Variants in MAP1LC3A observed in about 807,000 individuals in gnomAD.
The protein encoded by MAP1LC3A is microtubule-associated protein 1 light chain 3 alpha.
In MAP1LC3A, 10 loss-of-function variants were observed where a neutral mutation model predicts 15.2. That is an observed-to-expected ratio of 0.66 (90% CI 0.41 to 1.12). The LOEUF is 1.12. Ranked by LOEUF, MAP1LC3A falls within the 50% of genes most tolerant of loss-of-function variation. The pLI is 0.00. For missense variants in MAP1LC3A, 138 were observed against 167.3 expected (o/e 0.82, Z 0.97); for synonymous variants, 63 against 64.3 (o/e 0.98, Z 0.10).
At chr20:34,548,959 G>C (rs922450831) in intron 1 of MAP1LC3A, among the ~76,000 whole-genome samples, 1 of 152,152 alleles carries the variant, frequency 6.6e-6, no homozygotes, top group African/African-American at 2.4e-5. Flanking sequence ...ACCCACCTCG[G>C]CCTCCCGAAG....
chr20:34,559,513 C>T, intron 3 of MAP1LC3A, 60 bp downstream of exon 3: 1 of 1,488,886 alleles, frequency 6.7e-7, no homozygotes, highest in South Asian at 1.2e-5. Context: ...GGGTTCCCGC[C>T]GAGAAGGGGT....
At chr20:34,552,423 C>T (rs1981982573) in intron 2 of MAP1LC3A, among the ~76,000 whole-genome samples, 1 of 152,240 alleles carries the variant, frequency 6.6e-6, no homozygotes, top group South Asian at 2.1e-4. Flanking sequence ...GGAAGGCCTC[C>T]CTGAGGAGAC....
exon 2 of MAP1LC3A, chr20:34,550,015 C>T (rs1294059633): frequency 1.2e-6 from 2 of 1,614,066 alleles, no homozygotes; most frequent in Non-Finnish European, 1.7e-6. Flanking sequence ...TGTGGAAAAG[C>T]AGCTGTGGAC....
upstream of MAP1LC3A, among the ~76,000 whole-genome samples, chr20:34,554,173 T>A (rs1982054984): frequency 6.9e-6 from 1 of 144,626 alleles, no homozygotes; most frequent in South Asian, 2.2e-4. Flanking sequence ...GTGTGTAGAT[T>A]CTCTTGGATT....
intron 1 of MAP1LC3A, among the ~76,000 whole-genome samples, chr20:34,547,806 T>C (rs188465396): frequency 8.5e-5 from 13 of 152,166 alleles, no homozygotes; most frequent in African/African-American, 1.7e-4. Flanking sequence ...CACAGCAGTG[T>C]GAGAATGGAC....
intron 2 of MAP1LC3A, among the ~76,000 whole-genome samples, chr20:34,552,736 TGTG>T (rs2146672736): frequency 6.6e-6 from 1 of 152,278 alleles, no homozygotes; most frequent in East Asian, 1.9e-4. Flanking sequence ...TTCTGCAAGA[TGTG>T]GTCGGGGCTC....
intron 1 of MAP1LC3A, among the ~76,000 whole-genome samples, chr20:34,549,631 C>T (rs985200342): frequency 3.3e-5 from 5 of 152,146 alleles, no homozygotes; most frequent in African/African-American, 4.8e-5. Context: ...GATCTGAATC[C>T]GTGCTTATTC....
chr20:34,558,671 C>T (rs552375093), upstream of MAP1LC3A: 11 of 1,242,342 alleles, frequency 8.9e-6, no homozygotes, highest in Non-Finnish European at 1.1e-5. This position sits in a 1 kb window ranked among gnomAD's most constrained non-coding sequence, Gnocchi z 4.3. Context: ...CCAATGGGAG[C>T]GGCGCACTGG....
At chr20:34,548,280 G>A (rs1030055578) in intron 1 of MAP1LC3A, among the ~76,000 whole-genome samples, 1 of 152,218 alleles carries the variant, frequency 6.6e-6, no homozygotes, top group Non-Finnish European at 1.5e-5. Flanking sequence ...GGGATTGTAC[G>A]TCACTCATAG....
In MAP1LC3A at chr20:34,558,931, C is replaced by A. The variant is rs1429676355; in HGVS notation, c.40+23C>A. On this transcript the variant is annotated intron_variant, in intron 1 of 3. Transcript: ENST00000360668. The surrounding 1 kb of genome is among the most constrained non-coding windows in gnomAD (Gnocchi z 4.3). ...TCGGTGAGGCCCGGCAGGCGAGCTG[C>A]GAGCTCTGGGGCAGGGGTGCCGGCC... The A allele has an allele frequency of 4.3e-6, 6 of 1,380,738 alleles. No homozygotes were observed. The highest frequency in any genetic ancestry group is 1.5e-5 in the African/African-American group (1 of 65,656). The allele number at this position is 1,380,738 out of a possible 1,614,324, so 85.5% of individuals were successfully genotyped here. A position where few individuals can be genotyped will look rare whatever the true frequency, so the allele number is the denominator to read the frequency against.
rs1197772437 is a variant in MAP1LC3A at position 34,560,324 on chromosome 20, A to AGAT, written c.*427_*429dup. 1.1e-5 allele frequency: 2 copies of AGAT among 181,998 alleles called. No individual in the cohort carries two copies. The highest frequency in any genetic ancestry group is 2.3e-5 in the Non-Finnish European group (2 of 86,678). 11.3% of individuals were successfully genotyped at this position (181,998 alleles called of 1,614,324 possible). On this transcript the variant is annotated 3_prime_UTR_variant, in exon 4 of 4. Coordinates refer to ENST00000360668, the MANE Select transcript of MAP1LC3A (RefSeq NM_032514.4). ...TGGTCATTGTCCCTCTGCAGAATAA[A>AGAT]GATTGCTCAGGCCTGCCTGGCCCTG...
At chr20:34,548,585 A>C (rs1183957281) in intron 1 of MAP1LC3A, among the ~76,000 whole-genome samples, 1 of 152,144 alleles carries the variant, frequency 6.6e-6, no homozygotes, top group Non-Finnish European at 1.5e-5. Context: ...CTCAGCCTCC[A>C]CTTTTCCAGT....
At chr20:34,547,439 T>A (rs1172577329) in intron 1 of MAP1LC3A, among the ~76,000 whole-genome samples, 10 of 147,988 alleles carry the variant, frequency 6.8e-5, no homozygotes, top group African/African-American at 1.5e-4. Context: ...TTTTTTTTTT[T>A]AAATAGAGAC....
exon 2 of MAP1LC3A, chr20:34,550,025 C>G (rs754961833): frequency 6.2e-7 from 1 of 1,614,128 alleles, no homozygotes; most frequent in Admixed American, 1.7e-5. Context: ...CAGCTGTGGA[C>G]CCAGGTCTGT....
chr20:34,549,523 C>T (rs768440196), intron 1 of MAP1LC3A, among the ~76,000 whole-genome samples: 2 of 152,130 alleles, frequency 1.3e-5, no homozygotes, highest in Admixed American at 6.5e-5. Context: ...AAGAACCAGC[C>T]GGTGGTAGAA....
In MAP1LC3A at chr20:34,560,161, C is replaced by CTTTTT. The variant is rs998162392; in HGVS notation, c.*267_*271dup. The stretch of plus-strand genomic sequence containing the variant: ...CCAGCACCCCTGCTGTGTGGTTCAT[C>CTTTTT]TTTTTTTTAGGCCCCTGCCTGTCTG... On this transcript the variant is annotated 3_prime_UTR_variant, in exon 4 of 4. Transcript: ENST00000360668. 2.8e-6 allele frequency: 1 copy of CTTTTT among 362,214 alleles called. No individual in the cohort carries two copies. Among genetic ancestry groups the CTTTTT allele is most frequent in the Non-Finnish European group, 5.0e-6 (1 of 199,012 alleles). The allele number at this position is 362,214 out of a possible 1,614,324, so 22.4% of individuals were successfully genotyped here.
chr20:34,549,848 G>GAGTC, intron 1 of MAP1LC3A: 5 of 724,810 alleles, frequency 6.9e-6, no homozygotes, highest in Non-Finnish European at 1.2e-5. Context: ...ATCTCGTCCA[G>GAGTC]AGTCAGTCCC....
intron 2 of MAP1LC3A, among the ~76,000 whole-genome samples, chr20:34,551,755 C>T (rs138712926): frequency 1.1e-3 from 173 of 151,836 alleles, no homozygotes; most frequent in African/African-American, 3.9e-3. Flanking sequence ...TGAGCCACCG[C>T]GCCTGGCCAT....
upstream of MAP1LC3A, among the ~76,000 whole-genome samples, chr20:34,555,237 C>T (rs1352457891): frequency 2.6e-5 from 4 of 151,954 alleles, no homozygotes; most frequent in East Asian, 7.7e-4. Context: ...CCTCTGCCTC[C>T]CGGATTCAAG....
Sources: allele counts gnomAD v4.1 joint callset (sites outside exome capture counted in the v4.1 genomes callset), GRCh38; gene constraint gnomAD v4.1.1; non-coding constraint Gnocchi (gnomAD v3.1); transcripts MANE v1.5; gene names NCBI Gene and HGNC (gene_info 2026-07-23, HGNC 2026-07-21).